The following NECTIN3 variants were observed in gnomAD, a reference collection of about 807,000 sequenced individuals.
NECTIN3 encodes the protein nectin-3.
In NECTIN3, 8 loss-of-function variants were observed where a neutral mutation model predicts 49.4. That is an observed-to-expected ratio of 0.16 (90% confidence interval 0.10 to 0.29). The LOEUF (loss-of-function observed/expected upper bound fraction) is 0.29. Among genes scored for constraint, NECTIN3 ranks in the 10% least tolerant of loss-of-function variants. The probability of loss-of-function intolerance (pLI) is 1.00; values close to 1 mark genes in which losing one functional copy is unlikely to be tolerated. For missense variants in NECTIN3, 581 were observed against 654.6 expected, an observed-to-expected ratio of 0.89 and a Z score of 1.23; for synonymous variants, 277 against 241.1, an observed-to-expected ratio of 1.15 and a Z score of -1.38.
At chr3:111,163,258 G>A (rs1381655710) in intron 7 of NECTIN3, among the ~76,000 whole-genome samples, 1 of 152,188 alleles carries the variant, frequency 6.6e-6, no homozygotes, top group Non-Finnish European at 1.5e-5. Flanking sequence ...TTACATGGTA[G>A]CTCAGGACTC....
intron 1 of NECTIN3, among the ~76,000 whole-genome samples, chr3:111,081,509 T>C (rs1361991334): frequency 1.3e-5 from 2 of 152,204 alleles, no homozygotes; most frequent in Non-Finnish European, 2.9e-5. Flanking sequence ...ATTGGCTAAA[T>C]AATACTTTCT....
At chr3:111,108,818 G>A (rs1321806444) in intron 1 of NECTIN3, among the ~76,000 whole-genome samples, 1 of 152,016 alleles carries the variant, frequency 6.6e-6, no homozygotes, top group African/African-American at 2.4e-5. Context: ...ATTACCACAG[G>A]GACAGCACCA....
chr3:111,078,766 A>G (rs1177040045), intron 1 of NECTIN3, among the ~76,000 whole-genome samples: 1 of 152,036 alleles, frequency 6.6e-6, no homozygotes, highest in African/African-American at 2.4e-5. Context: ...CTTCAGTTCT[A>G]TTTCCCATTG....
At chr3:111,075,965 G>A (rs781521174) in intron 1 of NECTIN3, among the ~76,000 whole-genome samples, 13 of 152,050 alleles carry the variant, frequency 8.5e-5, no homozygotes, top group Non-Finnish European at 1.5e-4. Flanking sequence ...GCCTGCATGA[G>A]TCTTTCTGCA....
At chr3:111,156,569 G>A (rs1287300508) in intron 7 of NECTIN3, among the ~76,000 whole-genome samples, 2 of 151,636 alleles carry the variant, frequency 1.3e-5, no homozygotes, top group East Asian at 1.9e-4. Flanking sequence ...TTTGTTTCGG[G>A]CAAAGTAGTC....
At chr3:111,080,570 A>G (rs2031529419) in intron 1 of NECTIN3, among the ~76,000 whole-genome samples, 1 of 152,156 alleles carries the variant, frequency 6.6e-6, no homozygotes, top group Admixed American at 6.5e-5. Context: ...GATACTTAGA[A>G]TACTTTTTCC....
At chr3:111,169,659 C>T (rs969150269) in intron 7 of NECTIN3, among the ~76,000 whole-genome samples, 3 of 152,106 alleles carry the variant, frequency 2.0e-5, no homozygotes, top group African/African-American at 4.8e-5. Flanking sequence ...AAACACTCAG[C>T]GGCAAGTACA....
chr3:111,166,456 A>G (rs545460210), intron 7 of NECTIN3, among the ~76,000 whole-genome samples: 1 of 152,274 alleles, frequency 6.6e-6, no homozygotes, highest in Non-Finnish European at 1.5e-5. Context: ...CCCAAACTAA[A>G]CTCATAATTA....
chr3:111,101,085 ACTAC>A (rs2032878677), intron 1 of NECTIN3, among the ~76,000 whole-genome samples: 2 of 152,132 alleles, frequency 1.3e-5, no homozygotes, highest in South Asian at 4.1e-4. Context: ...ACAGCAGATC[ACTAC>A]CTCTATAAAA....
chr3:111,147,903 A>C (rs1415038154), intron 7 of NECTIN3, among the ~76,000 whole-genome samples: 2 of 152,146 alleles, frequency 1.3e-5, no homozygotes, highest in East Asian at 3.9e-4. Context: ...AGTGTACTAT[A>C]TTTTATTCTA....
Position 111,147,449 on chromosome 3 carries a change from C to T in NECTIN3, c.1186C>T (p.Arg396Ter), listed in dbSNP as rs1332952860. 3.3e-6 allele frequency: 5 copies of T among 1,532,224 alleles called. No homozygotes were observed. The East Asian group carries it at 7.4e-5, about 23-fold the overall frequency. 94.9% of individuals were successfully genotyped at this position (1,532,224 alleles called of 1,614,324 possible). A position where few individuals can be genotyped will look rare whatever the true frequency, so the allele number is the denominator to read the frequency against. ...TAAACCACCTCCTCTGTATGAAGAACGATCCCCACCTTTGCCTCAGAAAGA... is the reference window on the plus strand; with the variant it reads ...TAAACCACCTCCTCTGTATGAAGAATGATCCCCACCTTTGCCTCAGAAAGA... The change falls in exon 7 of 9, where the codon CGA becomes TGA. Residue 396 changes from arginine to a stop codon, truncating the protein, a stop_gained. Transcript: ENST00000493615. LOFTEE classifies it high-confidence loss of function.
intron 1 of NECTIN3, among the ~76,000 whole-genome samples, chr3:111,110,232 G>T (rs1256849694): frequency 6.6e-6 from 1 of 151,614 alleles, no homozygotes; most frequent in African/African-American, 2.4e-5. Context: ...GTTGAACAAT[G>T]ATAGTGCACC....
chr3:111,086,929 A>G (rs886413415), intron 1 of NECTIN3, among the ~76,000 whole-genome samples: 3 of 152,132 alleles, frequency 2.0e-5, no homozygotes, highest in Admixed American at 6.5e-5. Context: ...TAGACATCTT[A>G]TATAACTGTA....
chr3:111,121,462 G>A (rs2033952683), intron 3 of NECTIN3, among the ~76,000 whole-genome samples: 1 of 152,096 alleles, frequency 6.6e-6, no homozygotes, highest in Admixed American at 6.6e-5. Context: ...CATTCAACTA[G>A]TTGTGTTGCA....
intron 7 of NECTIN3, among the ~76,000 whole-genome samples, chr3:111,176,105 A>G (rs1049654781): frequency 2.0e-5 from 3 of 152,180 alleles, no homozygotes; most frequent in African/African-American, 7.2e-5. Context: ...GCCAGAAGAA[A>G]ATACCCAAAC....
At chr3:111,084,121 A>C (rs549874018) in intron 1 of NECTIN3, among the ~76,000 whole-genome samples, 1 of 152,170 alleles carries the variant, frequency 6.6e-6, no homozygotes, top group Admixed American at 6.5e-5. Context: ...AATGGAAGAC[A>C]CTTCTTTCTA....
chr3:111,160,427 T>A (rs922682271), intron 7 of NECTIN3, among the ~76,000 whole-genome samples: 15 of 152,180 alleles, frequency 9.9e-5, no homozygotes, highest in African/African-American at 3.6e-4. Context: ...TGCCCTGAAC[T>A]GATGTGAAAA....
chr3:111,177,410 G>C (rs2035550434), intron 7 of NECTIN3, among the ~76,000 whole-genome samples: 1 of 152,046 alleles, frequency 6.6e-6, no homozygotes, highest in Non-Finnish European at 1.5e-5. Context: ...ATTCAATTTT[G>C]GTTCTTATTT....
chr3:111,155,450 C>T lies in NECTIN3; in HGVS notation c.1221+7966C>T, dbSNP rs559321910. ...TAAGCCAAGCACAATGAAATTGCCT[C>T]GCAATTTCAGAGCACCTGGTAGCTT... On this transcript the variant is annotated intron_variant, in intron 7 of 8. Transcript: ENST00000493615. Among the ~76,000 whole-genome samples, 28 of 152,200 alleles carry T rather than the reference C, an allele frequency of 1.8e-4. No homozygotes were observed. In the South Asian group the frequency reaches 4.6e-3, roughly 25 times the overall value.
Sources: gnomAD v4.1 joint callset for allele counts (sites outside exome capture counted in the v4.1 genomes callset) on GRCh38, gnomAD v4.1.1 for gene constraint, MANE v1.5 for transcripts, NCBI Gene and HGNC (gene_info 2026-07-23, HGNC 2026-07-21) for gene names.